PCDHGB6: variants seen among roughly 807,000 people sequenced by gnomAD.
PCDHGB6 encodes the protein protocadherin gamma-B6.
A neutral mutation model predicts 59.1 loss-of-function variants in PCDHGB6; 51 were observed. That is an observed-to-expected ratio of 0.86 (90% CI 0.69 to 1.09). PCDHGB6 has a LOEUF of 1.09. Among genes scored for constraint, PCDHGB6 ranks in the 50% least tolerant of loss-of-function variants. The pLI is 0.00. For synonymous variants in PCDHGB6, 466 were observed against 495.1 expected (o/e 0.94, Z 0.78); for missense variants, 1,148 against 1,205.1 (o/e 0.95, Z 0.70).
intron 1 of PCDHGB6, among the ~76,000 whole-genome samples, chr5:141,461,376 T>C (rs2099014225): frequency 6.6e-6 from 1 of 152,184 alleles, no homozygotes; most frequent in South Asian, 2.1e-4. Context: ...AATTTGCATT[T>C]TCCTGATGAT....
At chr5:141,448,921 G>A (rs1323304761) in intron 1 of PCDHGB6, among the ~76,000 whole-genome samples, 3 of 152,120 alleles carry the variant, frequency 2.0e-5, no homozygotes, top group Admixed American at 1.3e-4. Flanking sequence ...CTCCAGCCTG[G>A]GCGACAGAGC....
intron 1 of PCDHGB6, among the ~76,000 whole-genome samples, chr5:141,469,403 C>T (rs902543178): frequency 4.6e-5 from 7 of 152,060 alleles, no homozygotes; most frequent in South Asian, 2.1e-4. Context: ...GGTGAAACCC[C>T]GTTTCTACTA....
At chr5:141,421,351 A>G in intron 1 of PCDHGB6, 2 of 1,613,988 alleles carry the variant, frequency 1.2e-6, no homozygotes, top group Non-Finnish European at 1.7e-6. Flanking sequence ...AGAGACCGAA[A>G]AGGGCTCCTT....
chr5:141,423,680 C>T (rs2096766182), intron 1 of PCDHGB6: 1 of 1,479,088 alleles, frequency 6.8e-7, no homozygotes, highest in African/African-American at 1.5e-5. Context: ...ATTTCTCTGC[C>T]TCCTAATTGT....
chr5:141,499,721 G>GTC (rs1434016871), intron 2 of PCDHGB6, among the ~76,000 whole-genome samples: 69 of 135,416 alleles, frequency 5.1e-4, no homozygotes, highest in African/African-American at 1.9e-3. Flanking sequence ...TGGAGACAGA[G>GTC]TCTCACTCTC....
In PCDHGB6 at chr5:141,477,670, A is replaced by G; in HGVS notation, c.2419-17137A>G. 1 of 1,614,198 alleles carries G rather than the reference A, an allele frequency of 6.2e-7. No individual in the cohort carries two copies. The highest frequency in any genetic ancestry group is 1.7e-5 in the Admixed American group (1 of 60,028). ...TCACAATAAATCGTGACAATGGCAT[A>G]GTGTCATCCTTAGTGCCCCTAGACT... On this transcript the variant is annotated intron_variant, in intron 1 of 3. Coordinates refer to ENST00000520790, the MANE Select transcript of PCDHGB6 (RefSeq NM_018926.3). This position sits in a 1 kb window ranked among gnomAD's most constrained non-coding sequence, Gnocchi z 4.9.
Position 141,408,220 on chromosome 5 carries a change from G to C in PCDHGB6, c.18G>C (p.Ala6=), listed in dbSNP as rs2095061412. 6.4e-7 allele frequency: 1 copy of C among 1,558,876 alleles called. No homozygotes were observed. The highest frequency in any genetic ancestry group is 8.7e-7 in the Non-Finnish European group (1 of 1,150,946). MGGSC[A]QRRRAGPRQV... Reference sequence around the variant, plus strand: ...AGCGAACGATGGGAGGGAGCTGCGCGCAGAGGCGCCGGGCCGGCCCGCGGC... The same window carrying C: ...AGCGAACGATGGGAGGGAGCTGCGCCCAGAGGCGCCGGGCCGGCCCGCGGC... Residue 6 remains alanine (A), a synonymous_variant, in exon 1 of 4, where the codon GCG becomes GCC. Transcript: ENST00000520790.
chr5:141,415,740 G>GTTTT lies in PCDHGB6; in HGVS notation c.2418+5149_2418+5152dup, dbSNP rs57426385. ...TGAGTAGAATTTGATGTTTATTAAG[G>GTTTT]TTTTTTTTTTTTTTTTTTTTTTTTT... On this transcript the variant is annotated intron_variant, in intron 1 of 3. Transcript: ENST00000520790. 3.9e-3 allele frequency: 2,454 copies of GTTTT among 623,032 alleles called. 15 individuals carry two copies. Among genetic ancestry groups the GTTTT allele is most frequent in the South Asian group, 7.6e-3 (262 of 34,698 alleles). 38.6% of individuals were successfully genotyped at this position (623,032 alleles called of 1,614,324 possible).
chr5:141,424,295 C>T (rs1481053072), intron 1 of PCDHGB6: 1 of 152,526 alleles, frequency 6.6e-6, no homozygotes, highest in East Asian at 1.9e-4. Flanking sequence ...TTTCTTCATC[C>T]TATCAACACA....
Position 141,485,855 on chromosome 5 carries a change from C to A in PCDHGB6, c.2419-8952C>A. ...CCCGCCGAGATCTGGCACCGCAGAG[C>A]TCCGGGTATCCGTGCTGGACGTAAA... On this transcript the variant is annotated intron_variant, in intron 1 of 3. Transcript: ENST00000520790. The surrounding 1 kb of genome is among the most constrained non-coding windows in gnomAD (Gnocchi z 5.7). 6.2e-7 allele frequency: 1 copy of A among 1,614,196 alleles called. No homozygotes were observed. Among genetic ancestry groups the A allele is most frequent in the Non-Finnish European group, 8.5e-7 (1 of 1,180,036 alleles).
chr5:141,420,683 G>A (rs1308504595), intron 1 of PCDHGB6, among the ~76,000 whole-genome samples: 1 of 152,190 alleles, frequency 6.6e-6, no homozygotes, highest in Non-Finnish European at 1.5e-5. Context: ...ATTTTATCGG[G>A]ACCGTATTAT....
At chr5:141,433,935 T>G (rs2097665519) in intron 1 of PCDHGB6, among the ~76,000 whole-genome samples, 2 of 152,150 alleles carry the variant, frequency 1.3e-5, no homozygotes, top group African/African-American at 2.4e-5. Context: ...GATTTTATAA[T>G]TCCATTGTTT....
Position 141,491,623 on chromosome 5 carries a change from G to T in PCDHGB6, c.2419-3184G>T. 1 of 1,613,930 alleles carries T rather than the reference G, an allele frequency of 6.2e-7. No homozygotes were observed. The highest frequency in any genetic ancestry group is 1.1e-5 in the South Asian group (1 of 91,084). On this transcript the variant is annotated intron_variant, in intron 1 of 3. Transcript: ENST00000520790. This position sits in a 1 kb window ranked among gnomAD's most constrained non-coding sequence, Gnocchi z 6.9. ...CTTCACTTTTCTAAGACCCCTCAGC[G>T]TTCAGCAGCCCACAGCTCTGGCGCT...
At chr5:141,430,313 G>A (rs1018901791) in intron 1 of PCDHGB6, among the ~76,000 whole-genome samples, 1 of 150,204 alleles carries the variant, frequency 6.7e-6, no homozygotes, top group South Asian at 2.1e-4. Context: ...AACATTATAA[G>A]ATTAAAATCA....
In PCDHGB6 at chr5:141,427,784, G is replaced by A. The variant is rs750188824; in HGVS notation, c.2418+17164G>A. 6.8e-6 allele frequency: 10 copies of A among 1,470,180 alleles called. No homozygotes were observed. The Admixed American group carries it at 1.3e-4, about 20-fold the overall frequency. 91.1% of individuals were successfully genotyped at this position (1,470,180 alleles called of 1,614,324 possible). Reference sequence around the variant, plus strand: ...CTGACTTGGAGCTGCGGGCACTGTCGTCCTACGTGTCCGTGAGCGCACAGA... The same window carrying A: ...CTGACTTGGAGCTGCGGGCACTGTCATCCTACGTGTCCGTGAGCGCACAGA... On this transcript the variant is annotated intron_variant, in intron 1 of 3. Coordinates refer to ENST00000520790, the MANE Select transcript of PCDHGB6 (RefSeq NM_018926.3).
intron 1 of PCDHGB6, chr5:141,410,823 C>CCAGACTGA (rs2095425464): frequency 2.1e-6 from 1 of 479,988 alleles, no homozygotes; most frequent in African/African-American, 2.5e-5. Flanking sequence ...AATAATGTCA[C>CCAGACTGA]CAGACTGAAG....
chr5:141,436,878 G>T (rs914354261), intron 1 of PCDHGB6, among the ~76,000 whole-genome samples: 1 of 152,216 alleles, frequency 6.6e-6, no homozygotes, highest in African/African-American at 2.4e-5. Context: ...GGCCATAAAA[G>T]ATGGGGGAAA....
chr5:141,412,998 T>G, intron 1 of PCDHGB6: 1 of 586,036 alleles, frequency 1.7e-6, no homozygotes, highest in Non-Finnish European at 2.9e-6. Context: ...ATCCGGATTC[T>G]CAGGGCTTCA....
chr5:141,428,121 G>T (rs764584436), intron 1 of PCDHGB6: 1 of 1,605,860 alleles, frequency 6.2e-7, no homozygotes. Context: ...CATCGAGCCC[G>T]GGCTTTTCAG....
Sources: allele counts gnomAD v4.1 joint callset (sites outside exome capture counted in the v4.1 genomes callset), GRCh38; gene constraint gnomAD v4.1.1; non-coding constraint Gnocchi (gnomAD v3.1); transcripts MANE v1.5; gene names NCBI Gene and HGNC (gene_info 2026-07-23, HGNC 2026-07-21).